The following RPS6KC1 variants were observed in gnomAD, a reference collection of about 807,000 sequenced individuals.
RPS6KC1 encodes inactive ribosomal protein S6 kinase delta-1.
A neutral mutation model predicts 103.8 loss-of-function variants in RPS6KC1; 54 were observed. The ratio of observed to expected loss-of-function variants is 0.52; its 90% CI spans 0.42 to 0.65. RPS6KC1 has a LOEUF of 0.65. RPS6KC1 is among the 30% of genes least tolerant of loss of function. The pLI is 0.00. For synonymous variants in RPS6KC1, 439 were observed against 438.7 expected, an observed-to-expected ratio of 1.00 and a Z score of -0.01; for missense variants, 1,151 against 1,253.8, an observed-to-expected ratio of 0.92 and a Z score of 1.24.
At chr1:213,381,577 A>T in the RPS6KC1 span, among the ~76,000 whole-genome samples, 2 of 152,056 alleles carry the variant, frequency 1.3e-5, no homozygotes, top group African/African-American at 4.8e-5. Flanking sequence ...TGAAGGTATC[A>T]GCTGGGTCCT....
At chr1:213,611,512 T>A in the RPS6KC1 span, among the ~76,000 whole-genome samples, 17 of 152,176 alleles carry the variant, frequency 1.1e-4, no homozygotes, top group Admixed American at 5.2e-4. Flanking sequence ...CTTCTCCTAA[T>A]GCTCTTATTC....
chr1:213,662,248 C>T, the RPS6KC1 span, among the ~76,000 whole-genome samples: 6 of 151,538 alleles, frequency 4.0e-5, no homozygotes, highest in South Asian at 2.1e-4. Context: ...TTAGCAATAT[C>T]GGAAATACCA....
intron 12 of RPS6KC1, among the ~76,000 whole-genome samples, chr1:213,252,118 G>A (rs1233598625): frequency 1.3e-5 from 2 of 152,152 alleles, no homozygotes; most frequent in Non-Finnish European, 1.5e-5. Context: ...TTTAGTCATC[G>A]GCTGCAGTGG....
the RPS6KC1 span, among the ~76,000 whole-genome samples, chr1:213,286,437 A>C: frequency 6.6e-6 from 1 of 152,214 alleles, no homozygotes; most frequent in African/African-American, 2.4e-5. Context: ...AGAGCCTCCT[A>C]CTGGCCACAG....
the RPS6KC1 span, among the ~76,000 whole-genome samples, chr1:213,705,497 C>T: frequency 1.3e-5 from 2 of 152,222 alleles, no homozygotes; most frequent in African/African-American, 4.8e-5. Context: ...GCTGCCTGGG[C>T]CTGGGACTCA....
the RPS6KC1 span, among the ~76,000 whole-genome samples, chr1:213,522,354 T>A: frequency 6.6e-6 from 1 of 152,226 alleles, no homozygotes; most frequent in Admixed American, 6.5e-5. Context: ...GTTGTTCCAC[T>A]GATAGAGGGC....
At chr1:213,320,706 T>C in the RPS6KC1 span, among the ~76,000 whole-genome samples, 1 of 152,216 alleles carries the variant, frequency 6.6e-6, no homozygotes, top group African/African-American at 2.4e-5. Context: ...GTGGAGTTGC[T>C]TTAGAATGCA....
At chr1:213,504,301 T>C in the RPS6KC1 span, among the ~76,000 whole-genome samples, 1 of 152,188 alleles carries the variant, frequency 6.6e-6, no homozygotes, top group Non-Finnish European at 1.5e-5. Context: ...ATAATTGCTT[T>C]TTTTGCATTG....
the RPS6KC1 span, among the ~76,000 whole-genome samples, chr1:213,469,183 CAG>C: frequency 6.6e-6 from 1 of 152,008 alleles, no homozygotes; most frequent in African/African-American, 2.4e-5. Flanking sequence ...CAGCCTGGCT[CAG>C]AGAGATGCAG....
chr1:213,075,849 T>A (rs2079288381), intron 2 of RPS6KC1, among the ~76,000 whole-genome samples: 1 of 152,230 alleles, frequency 6.6e-6, no homozygotes, highest in Non-Finnish European at 1.5e-5. Context: ...CCTCCCCTTT[T>A]ATTTTATTTT....
the RPS6KC1 span, among the ~76,000 whole-genome samples, chr1:213,489,111 G>GA: frequency 1.3e-5 from 2 of 151,978 alleles, no homozygotes; most frequent in African/African-American, 2.4e-5. Flanking sequence ...ATACATGCAA[G>GA]AAAAAAAATC....
chr1:213,844,200 T>C, the RPS6KC1 span, among the ~76,000 whole-genome samples: 2,235 of 152,312 alleles, frequency 0.015, 40 homozygotes, highest in East Asian at 0.086. Flanking sequence ...AAACTCTAGC[T>C]AGGGTTTTTT....
chr1:213,679,040 T>C, the RPS6KC1 span, among the ~76,000 whole-genome samples: 1 of 152,228 alleles, frequency 6.6e-6, no homozygotes, highest in African/African-American at 2.4e-5. Context: ...GCCTGAGGTC[T>C]AGGGACTTGG....
chr1:213,487,799 G>C, the RPS6KC1 span, among the ~76,000 whole-genome samples: 1 of 152,064 alleles, frequency 6.6e-6, no homozygotes, highest in Non-Finnish European at 1.5e-5. Flanking sequence ...GACAAGCAAA[G>C]CACCTAGAAT....
intron 4 of RPS6KC1, among the ~76,000 whole-genome samples, chr1:213,105,457 A>G (rs908121376): frequency 6.6e-6 from 1 of 152,034 alleles, no homozygotes; most frequent in African/African-American, 2.4e-5. Flanking sequence ...ATATGTATGA[A>G]TAGTGAGATA....
chr1:213,059,648 G>A (rs938157465), intron 1 of RPS6KC1, among the ~76,000 whole-genome samples: 1 of 151,960 alleles, frequency 6.6e-6, no homozygotes, highest in Non-Finnish European at 1.5e-5. Flanking sequence ...CGAGTAGCTG[G>A]GATTACAGGC....
At chr1:213,568,304 G>A in the RPS6KC1 span, among the ~76,000 whole-genome samples, 1 of 152,158 alleles carries the variant, frequency 6.6e-6, no homozygotes, top group Non-Finnish European at 1.5e-5. Context: ...TCTACAGATC[G>A]CTCTGGGATG....
chr1:213,789,812 A>G, the RPS6KC1 span, among the ~76,000 whole-genome samples: 1 of 152,214 alleles, frequency 6.6e-6, no homozygotes. Context: ...AATGCCATCC[A>G]TATTCGCTTC....
chr1:213,357,962 C>A, the RPS6KC1 span, among the ~76,000 whole-genome samples: 1 of 152,164 alleles, frequency 6.6e-6, no homozygotes, highest in Non-Finnish European at 1.5e-5. Context: ...GTTGAACCAG[C>A]CTTGCATCCC....
Sources: allele counts gnomAD v4.1 joint callset (sites outside exome capture counted in the v4.1 genomes callset), GRCh38; gene constraint gnomAD v4.1.1; transcripts MANE v1.5; gene names NCBI Gene and HGNC (gene_info 2026-07-23, HGNC 2026-07-21).